The following GCN1 variants were observed in gnomAD, a reference collection of about 807,000 sequenced individuals.
The protein encoded by GCN1 is stalled ribosome sensor GCN1.
Under a neutral mutation model 288.4 loss-of-function variants are expected in GCN1, and 90 were observed. That is an observed-to-expected ratio of 0.31 (90% CI 0.26 to 0.37). The LOEUF is 0.37. GCN1 is among the 10% of genes least tolerant of loss of function. GCN1 has a pLI of 1.00. For missense variants in GCN1, 2,586 were observed against 3,419.9 expected, an observed-to-expected ratio of 0.76 and a Z score of 6.08; for synonymous variants, 1,386 against 1,420.2, an observed-to-expected ratio of 0.98 and a Z score of 0.54.
chr12:120,168,976 C>T (rs1283484405), intron 15 of GCN1, among the ~76,000 whole-genome samples: 1 of 152,014 alleles, frequency 6.6e-6, no homozygotes, highest in African/African-American at 2.4e-5. Context: ...TCAGGTGTGT[C>T]CCAGTGCAGA....
At position 120,162,844 on chromosome 12, in the gene GCN1, C is replaced by T; in HGVS notation, c.2163+3G>A. The T allele has an allele frequency of 1.9e-6, 3 of 1,613,746 alleles. No homozygotes were observed. The highest frequency in any genetic ancestry group is 2.5e-6 in the Non-Finnish European group (3 of 1,179,878). On this transcript the variant is annotated splice_donor_region_variant and intron_variant, in intron 20 of 57. Transcript: ENST00000300648. Reference sequence around the variant, plus strand: ...AGGCCAGACCAGCTCATGTGCCCGTCACCTGGTTTAGGGGACTCTGTGTGG... The same window carrying T: ...AGGCCAGACCAGCTCATGTGCCCGTTACCTGGTTTAGGGGACTCTGTGTGG...
intron 15 of GCN1, among the ~76,000 whole-genome samples, chr12:120,169,561 T>G (rs1878252453): frequency 1.3e-5 from 2 of 152,236 alleles, no homozygotes; most frequent in East Asian, 3.9e-4. Flanking sequence ...TGGAGTGCAG[T>G]GGAGCAATCC....
intron 42 of GCN1, 136 bp from the exon 43 acceptor site, chr12:120,143,077 G>T: frequency 1.8e-6 from 1 of 570,236 alleles, no homozygotes; most frequent in Non-Finnish European, 3.1e-6. Context: ...GAGTCAGGTG[G>T]TTTACATTTC....
chr12:120,176,120 T>C (rs758710251), intron 10 of GCN1, 23 bp downstream of exon 10: 13 of 1,559,618 alleles, frequency 8.3e-6, no homozygotes, highest in Non-Finnish European at 1.2e-5. Context: ...ACTTATGGGC[T>C]GGAGAGGGGC....
chr12:120,141,375 C>A (rs551081550), intron 44 of GCN1, among the ~76,000 whole-genome samples: 89 of 152,158 alleles, frequency 5.8e-4, no homozygotes, highest in Admixed American at 2.6e-3. Flanking sequence ...GAATCTGGAA[C>A]AAAGCTTTAA....
Position 120,138,325 on chromosome 12 carries a change from T to C in GCN1, c.6247A>G (p.Lys2083Glu). 6.3e-7 allele frequency: 1 copy of C among 1,588,298 alleles called. No homozygotes were observed. The highest frequency in any genetic ancestry group is 8.6e-7 in the Non-Finnish European group (1 of 1,156,382). Reference sequence around the variant, plus strand: ...GTTGACCACATGTTGGGATTTACCTTGGGCACAAGGTAGGGCAGCACCACA... The same window carrying C: ...GTTGACCACATGTTGGGATTTACCTCGGGCACAAGGTAGGGCAGCACCACA... ...SRVVLPYLVP[K>E]LTTPPVNTRV... The change falls in exon 47 of 58, where the codon AAG becomes GAG. Residue 2083 changes from lysine (K) to glutamate (E), a missense_variant and splice_region_variant. Physicochemically the swap from Lys to Glu is moderately conservative, Grantham distance 56. Transcript: ENST00000300648.
Position 120,153,908 on chromosome 12 carries a change from AC to A in GCN1, c.3702del (p.Arg1234SerfsTer20). On this transcript the variant is annotated frameshift_variant and splice_region_variant, in exon 32 of 58. Coordinates refer to ENST00000300648, the MANE Select transcript of GCN1 (RefSeq NM_006836.2). LOFTEE classifies it high-confidence loss of function. The surrounding 1 kb of genome is among the most constrained non-coding windows in gnomAD (Gnocchi z 4.4). ...SESPPDQWEA[R>X]CGLALALNKL... is the part of the protein sequence containing the mutation. Reference sequence around the variant, plus strand: ...TTGTTGAGGGCCAACGCCAAGCCACACCTGGGAAAGAAGTGGGAGCACATCA... The same window carrying A: ...TTGTTGAGGGCCAACGCCAAGCCACACTGGGAAAGAAGTGGGAGCACATCA... 1 of 1,613,330 alleles carries A rather than the reference AC, an allele frequency of 6.2e-7. No homozygotes were observed.
rs1268076535 is a variant in GCN1 at position 120,145,250 on chromosome 12, C to T, written c.5016+12G>A. ...GGGGCCTGGCCCATCCCCCAGCCTA[C>T]CTCAGACTCACCTCAGGCACAGGGT... is the stretch of plus-strand genomic sequence containing the variant. On this transcript the variant is annotated intron_variant, in intron 39 of 57. Transcript: ENST00000300648. 1.3e-6 allele frequency: 2 copies of T among 1,592,812 alleles called. No homozygotes were observed. The highest frequency in any genetic ancestry group is 1.7e-6 in the Non-Finnish European group (2 of 1,169,104).
At chr12:120,161,436 C>A in intron 22 of GCN1, 54 bp downstream of exon 22, 1 of 1,211,572 alleles carries the variant, frequency 8.3e-7, no homozygotes, top group Non-Finnish European at 1.2e-6. Context: ...AAGCCACCAG[C>A]TTGAGGCCAC....
At position 120,171,092 on chromosome 12, in the gene GCN1, G is replaced by C. The variant is rs1393445893; in HGVS notation, c.1367-771C>G. Among the ~76,000 whole-genome samples the C allele has an allele frequency of 5.5e-5, 8 of 144,466 alleles. 1 individual carries two copies. The highest frequency in any genetic ancestry group is 1.4e-4 in the Admixed American group (2 of 14,138). 94.8% of individuals were successfully genotyped at this position (144,466 alleles called of 152,430 possible). A position where few individuals can be genotyped will look rare whatever the true frequency, so the allele number is the denominator to read the frequency against. ...GGAGGCGGAGGTTGCAGTGAGCCGAGATTGTGCCATTGCACTCCAGCCTGG... is the reference window on the plus strand; with the variant it reads ...GGAGGCGGAGGTTGCAGTGAGCCGACATTGTGCCATTGCACTCCAGCCTGG... On this transcript the variant is annotated intron_variant, in intron 14 of 57. Coordinates refer to ENST00000300648, the MANE Select transcript of GCN1 (RefSeq NM_006836.2).
chr12:120,193,869 T>C (rs2136122600), intron 1 of GCN1, among the ~76,000 whole-genome samples: 1 of 152,336 alleles, frequency 6.6e-6, no homozygotes, highest in East Asian at 1.9e-4. Flanking sequence ...CACATAAAAA[T>C]CAATCCCATC....
intron 38 of GCN1, 142 bp from the exon 39 acceptor site, chr12:120,145,472 G>A (rs1045710832): frequency 3.9e-5 from 23 of 586,818 alleles, no homozygotes; most frequent in African/African-American, 2.0e-4. Flanking sequence ...CACTGCCCAC[G>A]GAACAGGGAG....
intron 15 of GCN1, 118 bp downstream of exon 15, chr12:120,170,051 C>G: frequency 1.2e-6 from 1 of 858,638 alleles, no homozygotes; most frequent in Non-Finnish European, 1.9e-6. Flanking sequence ...GACAAGCAAA[C>G]CTGTGGCTGA....
Position 120,134,636 on chromosome 12 carries a change from C to A in GCN1, c.7099G>T (p.Ala2367Ser), listed in dbSNP as rs1876940372. The A allele has an allele frequency of 6.2e-7, 1 of 1,613,932 alleles. No individual in the cohort carries two copies. The highest frequency in any genetic ancestry group is 1.3e-5 in the African/African-American group (1 of 74,924). Residue 2367 changes from alanine (A) to serine (S), a missense_variant, in exon 52 of 58, where the codon GCC becomes TCC. This residue lies in a region of GCN1 where 355 missense variants were observed against 431.1 expected (regional missense o/e 0.82). Transcript: ENST00000300648. This position sits in a 1 kb window ranked among gnomAD's most constrained non-coding sequence, Gnocchi z 5.0. ...QDSNRGVRLKAADALGKLISI... is the reference protein window; with the variant it reads ...QDSNRGVRLKSADALGKLISI... ...ATGAGCTTCCCCAGAGCATCTGCGG[C>A]CTTCAGGCGCACCCCCCGGTTGGAG...
intron 14 of GCN1, among the ~76,000 whole-genome samples, chr12:120,171,502 C>T (rs181639678): frequency 4.6e-5 from 7 of 152,126 alleles, no homozygotes; most frequent in African/African-American, 1.7e-4. Flanking sequence ...ATGTTTTCTT[C>T]CCCCCTACCC....
chr12:120,136,187 G>A (rs1227834984), intron 51 of GCN1, among the ~76,000 whole-genome samples: 1 of 152,188 alleles, frequency 6.6e-6, no homozygotes, highest in Non-Finnish European at 1.5e-5. Flanking sequence ...CAGGCATCAT[G>A]CTGGACATAA....
In GCN1 at chr12:120,163,167, C is replaced by A. The variant is rs892662591; in HGVS notation, c.1941G>T (p.Leu647=). 6.2e-7 allele frequency: 1 copy of A among 1,614,168 alleles called. No individual in the cohort carries two copies. The change falls in exon 19 of 58, where the codon CTG becomes CTT. Residue 647 remains leucine, a synonymous_variant. Coordinates refer to ENST00000300648, the MANE Select transcript of GCN1 (RefSeq NM_006836.2). The stretch of plus-strand genomic sequence containing the variant: ...GCCCTGGCACACCGGAGATGACACA[C>A]AGAGCCTCCTGCAGGACCCGTGGAG... ...YVPPRVLQEA[L]CVISGVPGLK... is the part of the protein sequence containing the mutation.
At chr12:120,164,219 GC>G in intron 18 of GCN1, 116 bp downstream of exon 18, 1 of 780,190 alleles carries the variant, frequency 1.3e-6, no homozygotes, top group Non-Finnish European at 2.1e-6. Context: ...GAAGATGCTG[GC>G]ATCACACAGA....
rs771549801 is a variant in GCN1 at position 120,134,419 on chromosome 12, G to GCAC, written c.7203-17_7203-15dup. The GCAC allele has an allele frequency of 6.2e-7, 1 of 1,606,116 alleles. No individual in the cohort carries two copies. Among genetic ancestry groups the GCAC allele is most frequent in the African/African-American group, 1.3e-5 (1 of 74,770 alleles). On this transcript the variant is annotated splice_polypyrimidine_tract_variant and intron_variant, in intron 52 of 57. Coordinates refer to ENST00000300648, the MANE Select transcript of GCN1 (RefSeq NM_006836.2). This position sits in a 1 kb window ranked among gnomAD's most constrained non-coding sequence, Gnocchi z 5.0. ...AGCATGGTGTCCCTGCAGAAGCAAT[G>GCAC]CACCGCCTTAAGCCCTGGGTGCCTC...
Sources: gnomAD v4.1 joint callset for allele counts (sites outside exome capture counted in the v4.1 genomes callset) on GRCh38, gnomAD v4.1.1 for gene constraint, gnomAD v4.1.1 regional missense constraint, Gnocchi (gnomAD v3.1) non-coding constraint, MANE v1.5 for transcripts, NCBI Gene and HGNC (gene_info 2026-07-23, HGNC 2026-07-21) for gene names.